The following GPHN variants were observed in gnomAD, a reference collection of about 807,000 sequenced individuals.
GPHN encodes the protein gephyrin.
In GPHN, 17 loss-of-function variants were observed where a neutral mutation model predicts 95.5. The ratio of observed to expected loss-of-function variants is 0.18; its 90% CI spans 0.12 to 0.27. The LOEUF is 0.27. Among genes scored for constraint, GPHN ranks in the 10% least tolerant of loss-of-function variants. The pLI, the probability that GPHN is intolerant of heterozygous loss-of-function variation, is 1.00. For missense variants in GPHN, 660 were observed against 978.1 expected (o/e 0.67, Z 4.34); for synonymous variants, 320 against 322.5 (o/e 0.99, Z 0.08).
the GPHN span, among the ~76,000 whole-genome samples, chr14:67,638,243 C>T: frequency 6.6e-6 from 1 of 151,942 alleles, no homozygotes; most frequent in Non-Finnish European, 1.5e-5. Flanking sequence ...CTATAACTAG[C>T]CCAGGCATGG....
At chr14:67,498,791 G>A in the GPHN span, among the ~76,000 whole-genome samples, 4 of 151,420 alleles carry the variant, frequency 2.6e-5, no homozygotes, top group South Asian at 2.1e-4. Context: ...TCAGTCTCTC[G>A]AGTAGCTGAG....
chr14:67,291,747 T>C, the GPHN span, among the ~76,000 whole-genome samples: 1 of 152,184 alleles, frequency 6.6e-6, no homozygotes, highest in African/African-American at 2.4e-5. Flanking sequence ...ACAAAAGAAG[T>C]GCCTGGTAAT....
chr14:67,340,906 C>G, the GPHN span, among the ~76,000 whole-genome samples: 2 of 152,272 alleles, frequency 1.3e-5, no homozygotes, highest in African/African-American at 4.8e-5. Flanking sequence ...CAGCTCCTAA[C>G]TGCGAGTGAT....
At chr14:66,809,917 T>A (rs1247454863) in intron 3 of GPHN, among the ~76,000 whole-genome samples, 1 of 152,108 alleles carries the variant, frequency 6.6e-6, no homozygotes, top group Non-Finnish European at 1.5e-5. Flanking sequence ...GTATTACCAT[T>A]GTATAATGTG....
the GPHN span, chr14:67,269,758 G>A: frequency 6.6e-6 from 1 of 152,630 alleles, no homozygotes; most frequent in Admixed American, 6.6e-5. Flanking sequence ...AAGGACAGTA[G>A]AAAAGGCTTT....
chr14:67,082,488 C>G (rs1168774636), intron 11 of GPHN, among the ~76,000 whole-genome samples: 1 of 152,144 alleles, frequency 6.6e-6, no homozygotes, highest in Non-Finnish European at 1.5e-5. Flanking sequence ...TTCCATTGAT[C>G]TATATGTCTG....
chr14:67,479,906 G>T, the GPHN span, among the ~76,000 whole-genome samples: 1 of 152,192 alleles, frequency 6.6e-6, no homozygotes, highest in East Asian at 1.9e-4. Flanking sequence ...TCTCAATATG[G>T]CCAGCTGGTT....
chr14:67,577,789 G>A, the GPHN span, among the ~76,000 whole-genome samples: 5 of 152,096 alleles, frequency 3.3e-5, no homozygotes, highest in African/African-American at 9.7e-5. Flanking sequence ...TAAGGAATTT[G>A]TCTTGTTTAT....
At chr14:66,888,073 T>G (rs75325156) in intron 5 of GPHN, among the ~76,000 whole-genome samples, 2,301 of 152,170 alleles carry the variant, frequency 0.015, 33 homozygotes, top group Non-Finnish European at 0.018. Flanking sequence ...AGAGAACAAG[T>G]TCTGAGAAAC....
In GPHN at chr14:67,005,292, A is replaced by T. The variant is rs2072521674; in HGVS notation, c.964-18341A>T. Among the ~76,000 whole-genome samples, 2 of 151,840 alleles carry T rather than the reference A, an allele frequency of 1.3e-5. 1 individual carries two copies. The highest frequency in any genetic ancestry group is 4.1e-4 in the South Asian group (2 of 4,828). ...ATTTACAGTCGTAAATCCTAAATCTATTGTATATATTTAAGATTTTTTAAT... is the reference window on the plus strand; with the variant it reads ...ATTTACAGTCGTAAATCCTAAATCTTTTGTATATATTTAAGATTTTTTAAT... On this transcript the variant is annotated intron_variant, in intron 9 of 22. Transcript: ENST00000478722.
At chr14:66,689,068 T>TA (rs2067597854) in intron 2 of GPHN, among the ~76,000 whole-genome samples, 1 of 152,196 alleles carries the variant, frequency 6.6e-6, no homozygotes, top group South Asian at 2.1e-4. Flanking sequence ...TATAATTTTT[T>TA]AAAAAAAGAA....
At chr14:66,731,891 A>G (rs1357676801) in intron 2 of GPHN, among the ~76,000 whole-genome samples, 1 of 152,164 alleles carries the variant, frequency 6.6e-6, no homozygotes, top group Non-Finnish European at 1.5e-5. Context: ...CAGCTGCTTC[A>G]GCTCCAGCCA....
intron 3 of GPHN, among the ~76,000 whole-genome samples, chr14:66,780,743 C>G (rs1045790459): frequency 4.6e-5 from 7 of 152,088 alleles, no homozygotes; most frequent in Admixed American, 4.6e-4. Context: ...AAAAACTGTT[C>G]TAAAACATTT....
At chr14:67,108,757 T>G (rs2078195062) in intron 13 of GPHN, among the ~76,000 whole-genome samples, 2 of 135,528 alleles carry the variant, frequency 1.5e-5, no homozygotes, top group South Asian at 2.5e-4. Context: ...GTGTGTGGTT[T>G]ATTTTACTTT....
chr14:66,887,838 A>T (rs771374751), intron 5 of GPHN, among the ~76,000 whole-genome samples: 2 of 152,236 alleles, frequency 1.3e-5, no homozygotes, highest in Admixed American at 1.3e-4. Context: ...TAACATGCTA[A>T]GTGCTCCAAT....
At chr14:66,659,236 C>A in intron 1 of GPHN, among the ~76,000 whole-genome samples, 1 of 151,416 alleles carries the variant, frequency 6.6e-6, no homozygotes, top group East Asian at 1.9e-4. Flanking sequence ...ATTTAGAAGT[C>A]TCTTGTTTAG....
intron 10 of GPHN, among the ~76,000 whole-genome samples, chr14:67,050,051 T>C (rs2075237643): frequency 6.6e-6 from 1 of 152,208 alleles, no homozygotes; most frequent in Non-Finnish European, 1.5e-5. Context: ...TGTGTTAACA[T>C]GCAAATAGTT....
chr14:66,817,240 T>C (rs753444277), intron 3 of GPHN, among the ~76,000 whole-genome samples: 13 of 151,932 alleles, frequency 8.6e-5, no homozygotes, highest in Non-Finnish European at 1.6e-4. Context: ...TGTATACATA[T>C]ATATATGACA....
chr14:67,501,449 C>T, the GPHN span, among the ~76,000 whole-genome samples: 1,188 of 152,268 alleles, frequency 7.8e-3, 9 homozygotes, highest in Non-Finnish European at 0.013. Context: ...ACTGCAGCCT[C>T]GACCTCCTGG....
Sources: gnomAD v4.1 joint callset for allele counts (sites outside exome capture counted in the v4.1 genomes callset) on GRCh38, gnomAD v4.1.1 for gene constraint, MANE v1.5 for transcripts, NCBI Gene and HGNC (gene_info 2026-07-23, HGNC 2026-07-21) for gene names.